The following PCDH9 variants were observed in gnomAD, a reference collection of about 807,000 sequenced individuals.
PCDH9 encodes the protein protocadherin 9, also known as protocadherin-9.
A neutral mutation model predicts 70.6 loss-of-function variants in PCDH9; 24 were observed. That is an observed-to-expected ratio of 0.34 (90% CI 0.25 to 0.48). PCDH9 has a LOEUF of 0.48. PCDH9 is among the 20% of genes least tolerant of loss of function. PCDH9 has a pLI of 0.99. For synonymous variants in PCDH9, 562 were observed against 558.5 expected (o/e 1.01, Z -0.09); for missense variants, 1,281 against 1,503.6 (o/e 0.85, Z 2.45).
intron 3 of PCDH9, among the ~76,000 whole-genome samples, chr13:66,848,315 C>T (rs1057121438): frequency 5.3e-5 from 8 of 152,192 alleles, no homozygotes; most frequent in African/African-American, 1.9e-4. Flanking sequence ...TTTTTCACCT[C>T]TGCTTTTGCT....
chr13:66,428,970 A>T (rs1347777554), intron 4 of PCDH9, among the ~76,000 whole-genome samples: 1 of 151,842 alleles, frequency 6.6e-6, no homozygotes, highest in Non-Finnish European at 1.5e-5. Context: ...TATGGTGTGT[A>T]ACAGGATCTT....
chr13:67,159,116 C>T (rs947241457), intron 2 of PCDH9, among the ~76,000 whole-genome samples: 8 of 152,186 alleles, frequency 5.3e-5, no homozygotes, highest in African/African-American at 1.4e-4. Context: ...CAAAATTAGA[C>T]GATTTCTTTG....
Position 66,602,608 on chromosome 13 carries a change from AAAAATTTTT to A in PCDH9, c.3340+28593_3340+28601del, listed in dbSNP as rs2077176743. Among the ~76,000 whole-genome samples the A allele has an allele frequency of 4.0e-4, 5 of 12,394 alleles. 1 individual carries two copies. The South Asian group carries it at 0.42, about 1,033-fold the overall frequency. 8.1% of individuals were successfully genotyped at this position (12,394 alleles called of 152,430 possible). A position where few individuals can be genotyped will look rare whatever the true frequency, so the allele number is the denominator to read the frequency against. On this transcript the variant is annotated intron_variant, in intron 4 of 4. Transcript: ENST00000377865. Reference sequence around the variant, plus strand: ...TAAGCTAAGTGCTATTACAAGAGTCAAAAATTTTTAAAAGTAAAAGTAAGCTAAGTTTAA... The same window carrying A: ...TAAGCTAAGTGCTATTACAAGAGTCAAAAAGTAAAAGTAAGCTAAGTTTAA...
intron 3 of PCDH9, among the ~76,000 whole-genome samples, chr13:66,773,776 A>AT (rs1001976981): frequency 6.6e-6 from 1 of 151,108 alleles, no homozygotes. Context: ...AATTTTTGTA[A>AT]TTTTTTTTCT....
intron 3 of PCDH9, among the ~76,000 whole-genome samples, chr13:66,885,384 A>G (rs2081989417): frequency 6.6e-6 from 1 of 152,174 alleles, no homozygotes; most frequent in Non-Finnish European, 1.5e-5. Context: ...GCCTAGGAAA[A>G]TATATATGTG....
chr13:66,845,842 T>C (rs114596697), intron 3 of PCDH9, among the ~76,000 whole-genome samples: 1,533 of 152,312 alleles, frequency 0.01, 28 homozygotes, highest in African/African-American at 0.035. Flanking sequence ...ATGTAACTTA[T>C]AGCTTTGTGT....
intron 3 of PCDH9, among the ~76,000 whole-genome samples, chr13:66,856,254 A>T (rs1444855461): frequency 6.6e-6 from 1 of 152,048 alleles, no homozygotes. Context: ...TTACCATCTT[A>T]GAGACTGTAA....
At chr13:66,774,864 A>G (rs1437446667) in intron 3 of PCDH9, among the ~76,000 whole-genome samples, 1 of 152,190 alleles carries the variant, frequency 6.6e-6, no homozygotes, top group African/African-American at 2.4e-5. Flanking sequence ...TTTTATTAAT[A>G]TCTATTCAAG....
chr13:66,392,112 A>G (rs1436077512), intron 4 of PCDH9, among the ~76,000 whole-genome samples: 1 of 151,908 alleles, frequency 6.6e-6, no homozygotes, highest in East Asian at 1.9e-4. Context: ...TATTTTGGAT[A>G]CTGAAATAAG....
At chr13:66,926,741 G>A (rs546664918) in intron 2 of PCDH9, among the ~76,000 whole-genome samples, 1 of 152,152 alleles carries the variant, frequency 6.6e-6, no homozygotes, top group African/African-American at 2.4e-5. Context: ...TTCCACAAGC[G>A]TTTTTCATGT....
intron 4 of PCDH9, among the ~76,000 whole-genome samples, chr13:66,345,876 C>T (rs1230777855): frequency 6.6e-6 from 1 of 152,156 alleles, no homozygotes; most frequent in Admixed American, 6.6e-5. Flanking sequence ...CAATAACACT[C>T]CCTGTTTGAG....
At chr13:66,736,765 T>C (rs962387864) in intron 3 of PCDH9, among the ~76,000 whole-genome samples, 1 of 152,220 alleles carries the variant, frequency 6.6e-6, no homozygotes, top group African/African-American at 2.4e-5. Context: ...AAGAGTCTCA[T>C]TTCTATGTGT....
chr13:67,038,188 A>G (rs2085045915), intron 2 of PCDH9, among the ~76,000 whole-genome samples: 1 of 152,188 alleles, frequency 6.6e-6, no homozygotes, highest in African/African-American at 2.4e-5. Context: ...TAGAGACAGA[A>G]ATCACAAATG....
chr13:66,453,492 C>G (rs1284584296), intron 4 of PCDH9, among the ~76,000 whole-genome samples: 1 of 150,468 alleles, frequency 6.6e-6, no homozygotes, highest in Non-Finnish European at 1.5e-5. Flanking sequence ...CAGGAAATCA[C>G]TAGCTTCTTT....
intron 4 of PCDH9, among the ~76,000 whole-genome samples, chr13:66,431,097 A>G (rs1957763059): frequency 6.6e-6 from 1 of 152,080 alleles, no homozygotes; most frequent in Non-Finnish European, 1.5e-5. Flanking sequence ...ATGTGCATGT[A>G]GGTCCTAGGG....
intron 2 of PCDH9, among the ~76,000 whole-genome samples, chr13:67,124,932 G>A (rs1323779464): frequency 1.3e-5 from 2 of 152,170 alleles, no homozygotes; most frequent in African/African-American, 4.8e-5. Flanking sequence ...TAACTCATTA[G>A]GAGAGTGACT....
chr13:66,712,626 T>A (rs2078810507), intron 3 of PCDH9, among the ~76,000 whole-genome samples: 1 of 152,306 alleles, frequency 6.6e-6, no homozygotes, highest in Non-Finnish European at 1.5e-5. Context: ...TTTGGATAAC[T>A]TCCTCTCCAA....
chr13:66,432,141 A>T (rs1328702810), intron 4 of PCDH9, among the ~76,000 whole-genome samples: 1 of 152,012 alleles, frequency 6.6e-6, no homozygotes, highest in Admixed American at 6.6e-5. Context: ...GTTATAAGAA[A>T]ACGTTAGCAA....
At chr13:66,430,848 TA>T (rs781425293) in intron 4 of PCDH9, among the ~76,000 whole-genome samples, 8 of 152,042 alleles carry the variant, frequency 5.3e-5, no homozygotes, top group Non-Finnish European at 1.0e-4. Context: ...AGTGTGGGTA[TA>T]AAAGAACCTT....
Sources: gnomAD v4.1 joint callset for allele counts (sites outside exome capture counted in the v4.1 genomes callset) on GRCh38, gnomAD v4.1.1 for gene constraint, MANE v1.5 for transcripts, NCBI Gene and HGNC (gene_info 2026-07-23, HGNC 2026-07-21) for gene names.